Variants in SEPTIN9 observed in about 807,000 individuals in gnomAD.
The protein encoded by SEPTIN9 is septin-9.
SEPTIN9 carries 13 observed loss-of-function variants against 56.6 expected under a neutral mutation model. The ratio of observed to expected loss-of-function variants is 0.23; its 90% CI spans 0.15 to 0.37. SEPTIN9 has a LOEUF of 0.37. Among genes scored for constraint, SEPTIN9 ranks in the 10% least tolerant of loss-of-function variants. The probability of loss-of-function intolerance (pLI) is 1.00; values close to 1 mark genes in which losing one functional copy is unlikely to be tolerated. For synonymous variants in SEPTIN9, 332 were observed against 334.1 expected (o/e 0.99, Z 0.07); for missense variants, 650 against 823.1 (o/e 0.79, Z 2.57).
At chr17:77,383,007 G>GGAGGACC (rs2035200822) in intron 2 of SEPTIN9, among the ~76,000 whole-genome samples, 1 of 152,106 alleles carries the variant, frequency 6.6e-6, no homozygotes, top group South Asian at 2.1e-4. Flanking sequence ...AGCCCTGGCT[G>GGAGGACC]TGGCCACAGC....
At chr17:77,431,883 T>C (rs1000355451) in intron 3 of SEPTIN9, among the ~76,000 whole-genome samples, 5 of 150,892 alleles carry the variant, frequency 3.3e-5, no homozygotes, top group African/African-American at 1.2e-4. Flanking sequence ...CTCTCAGGGA[T>C]TTTCATCCTT....
intron 1 of SEPTIN9, among the ~76,000 whole-genome samples, chr17:77,288,895 C>T (rs1180218250): frequency 2.0e-5 from 3 of 152,164 alleles, no homozygotes; most frequent in Middle Eastern, 3.4e-3. Context: ...AGGCCGGCAC[C>T]GAGGGGCGGG....
chr17:77,494,783 G>T (rs541362913), intron 10 of SEPTIN9, among the ~76,000 whole-genome samples: 1 of 152,206 alleles, frequency 6.6e-6, no homozygotes, highest in East Asian at 1.9e-4. Context: ...CCCTGCACCA[G>T]ACTCCCTCGA....
rs574151520 is a variant in SEPTIN9, at chr17:77,468,182, G to A, written c.722-13962G>A. On this transcript the variant is annotated intron_variant, in intron 3 of 11. Transcript: ENST00000427177. ...CAGGAGGCTGAGGCAGGAGAATGGC[G>A]TGAACCCGGGAGGCAGAGCTTGCAG... Among the ~76,000 whole-genome samples, 6 of 152,236 alleles carry A rather than the reference G, an allele frequency of 3.9e-5. No homozygotes were observed. The South Asian group carries it at 8.3e-4, about 21-fold the overall frequency.
chr17:77,286,028 C>T (rs182112658), intron 1 of SEPTIN9, among the ~76,000 whole-genome samples: 160 of 152,378 alleles, frequency 1.1e-3, no homozygotes, highest in African/African-American at 3.5e-3. Context: ...CCCGTCTCCG[C>T]GCCTGTTCTC....
rs554955957 is a variant in SEPTIN9, at chr17:77,426,342, C to T, written c.721+23639C>T. Among the ~76,000 whole-genome samples, 20 of 152,274 alleles carry T rather than the reference C, an allele frequency of 1.3e-4. No individual in the cohort carries two copies. The South Asian group carries it at 2.9e-3, about 22-fold the overall frequency. On this transcript the variant is annotated intron_variant, in intron 3 of 11. Coordinates refer to ENST00000427177, the MANE Select transcript of SEPTIN9 (RefSeq NM_001113491.2). ...GATGATGGTGTAAAGGGTGCCCCCC[C>T]GAGCCCCCGGAGGCATGCAGTGGCG... is the stretch of plus-strand genomic sequence containing the variant.
rs775807921 is a variant in SEPTIN9, at chr17:77,436,703, G to A, written c.721+34000G>A. Among the ~76,000 whole-genome samples, 20 of 152,370 alleles carry A rather than the reference G, an allele frequency of 1.3e-4. No homozygotes were observed. Among genetic ancestry groups the A allele is most frequent in the Admixed American group, 5.9e-4 (9 of 15,314 alleles). ...CTAGCCTCGTGGTAGGGGCTGCGGC[G>A]GAGGTGGGCAAAAGCCGCTTCCGGG... On this transcript the variant is annotated intron_variant, in intron 3 of 11. Coordinates refer to ENST00000427177, the MANE Select transcript of SEPTIN9 (RefSeq NM_001113491.2). The surrounding 1 kb of genome is among the most constrained non-coding windows in gnomAD (Gnocchi z 4.4).
At chr17:77,288,829 C>T (rs914868545) in intron 1 of SEPTIN9, among the ~76,000 whole-genome samples, 6 of 152,120 alleles carry the variant, frequency 3.9e-5, no homozygotes, top group Admixed American at 1.3e-4. Flanking sequence ...GGAGGTGAGC[C>T]GGTGGCGTAG....
chr17:77,482,782 G>A (rs959496285), intron 4 of SEPTIN9: 29 of 560,340 alleles, frequency 5.2e-5, no homozygotes, highest in Admixed American at 1.2e-4. Context: ...TTGGGGCCTC[G>A]TGGCTTCCAC....
In SEPTIN9 at chr17:77,436,139, T is replaced by C. The variant is rs536864115; in HGVS notation, c.721+33436T>C. Among the ~76,000 whole-genome samples, 4 of 151,294 alleles carry C rather than the reference T, an allele frequency of 2.6e-5. No individual in the cohort carries two copies. In the South Asian group the frequency reaches 8.4e-4, roughly 32 times the overall value. On this transcript the variant is annotated intron_variant, in intron 3 of 11. Coordinates refer to ENST00000427177, the MANE Select transcript of SEPTIN9 (RefSeq NM_001113491.2). The surrounding 1 kb of genome is among the most constrained non-coding windows in gnomAD (Gnocchi z 4.4). The stretch of plus-strand genomic sequence containing the variant: ...CCACCCTGCGGGCCTGGTTGGGGAG[T>C]GTGAGGATGCCTGCTGGAAGCCAAC...
intron 3 of SEPTIN9, among the ~76,000 whole-genome samples, chr17:77,473,791 A>G (rs1016762946): frequency 3.9e-5 from 6 of 152,232 alleles, no homozygotes; most frequent in African/African-American, 1.4e-4. Flanking sequence ...ACTACTCTCA[A>G]GCCTGTAGTG....
chr17:77,499,351 G>A lies in SEPTIN9; in HGVS notation c.*693G>A, dbSNP rs1329430391. On this transcript the variant is annotated 3_prime_UTR_variant, in exon 12 of 12. Transcript: ENST00000427177. ...GGGGACAGGCTGGAATGAGGGAGGC[G>A]TCTTCATCTCCCTGCCATCCCCCTC... The A allele has an allele frequency of 6.8e-6, 4 of 588,696 alleles. No homozygotes were observed. The highest frequency in any genetic ancestry group is 1.8e-5 in the African/African-American group (1 of 55,554). The allele number at this position is 588,696 out of a possible 1,614,324, so 36.5% of individuals were successfully genotyped here.
intron 2 of SEPTIN9, among the ~76,000 whole-genome samples, chr17:77,384,141 G>T (rs911865679): frequency 6.6e-6 from 1 of 150,388 alleles, no homozygotes; most frequent in African/African-American, 2.5e-5. Context: ...AAAGAGGCTG[G>T]CGGGAGGCTG....
chr17:77,305,663 C>T (rs1325717484), intron 1 of SEPTIN9, among the ~76,000 whole-genome samples: 1 of 151,800 alleles, frequency 6.6e-6, no homozygotes, highest in Non-Finnish European at 1.5e-5. Context: ...GATGGGTACC[C>T]TGTCAATACT....
In SEPTIN9 at chr17:77,451,794, A is replaced by G. The variant is rs2037983564; in HGVS notation, c.722-30350A>G. Reference sequence around the variant, plus strand: ...TGGTCACAGCTATCTCTTTGTAAATATTTGGCCAACTAAGCTGAGTGGCTA... The same window carrying G: ...TGGTCACAGCTATCTCTTTGTAAATGTTTGGCCAACTAAGCTGAGTGGCTA... On this transcript the variant is annotated intron_variant, in intron 3 of 11. Transcript: ENST00000427177. The surrounding 1 kb of genome is among the most constrained non-coding windows in gnomAD (Gnocchi z 4.2). 6.6e-6 allele frequency among the ~76,000 whole-genome samples: 1 copy of G among 152,186 alleles called. No homozygotes were observed. The highest frequency in any genetic ancestry group is 6.5e-5 in the Admixed American group (1 of 15,288).
At chr17:77,446,976 G>A (rs143477116) in intron 3 of SEPTIN9, 41 of 167,152 alleles carry the variant, frequency 2.5e-4, no homozygotes, top group African/African-American at 8.9e-4. Flanking sequence ...TCACAGTGTC[G>A]TGCAACCATC....
rs1277886881 is a variant in SEPTIN9 at position 77,429,113 on chromosome 17, G to GT, written c.721+26411dup. On this transcript the variant is annotated intron_variant, in intron 3 of 11. Transcript: ENST00000427177. This position sits in a 1 kb window ranked among gnomAD's most constrained non-coding sequence, Gnocchi z 5.2. The stretch of plus-strand genomic sequence containing the variant: ...GCCCCAGCTCCGTGTCCTCCGGTGT[G>GT]TGTGAGGCCAAGCTCCTGGGGTGGG... 8 of 471,578 alleles carry GT rather than the reference G, an allele frequency of 1.7e-5. No individual in the cohort carries two copies. Among genetic ancestry groups the GT allele is most frequent in the African/African-American group, 1.6e-4 (8 of 50,086 alleles). The allele number at this position is 471,578 out of a possible 1,614,324, so 29.2% of individuals were successfully genotyped here.
Position 77,492,551 on chromosome 17 carries a change from G to C in SEPTIN9, c.1381-70G>C. On this transcript the variant is annotated intron_variant, in intron 8 of 11. Transcript: ENST00000427177. This position sits in a 1 kb window ranked among gnomAD's most constrained non-coding sequence, Gnocchi z 5.4. ...GGGCAGCACACAGTGTGGAGGTCAT[G>C]TGGCAAACACCAGTGGGTGGGTAGA... 7.1e-7 allele frequency: 1 copy of C among 1,404,732 alleles called. No homozygotes were observed. The highest frequency in any genetic ancestry group is 1.8e-4 in the Middle Eastern group (1 of 5,658). The allele number at this position is 1,404,732 out of a possible 1,614,324, so 87.0% of individuals were successfully genotyped here.
intron 3 of SEPTIN9, among the ~76,000 whole-genome samples, chr17:77,471,279 A>C: frequency 6.6e-6 from 1 of 151,136 alleles, no homozygotes; most frequent in African/African-American, 2.4e-5. Context: ...CCTGTCCCCT[A>C]CCCCCAAGCA....
Sources: allele counts gnomAD v4.1 joint callset (sites outside exome capture counted in the v4.1 genomes callset), GRCh38; gene constraint gnomAD v4.1.1; non-coding constraint Gnocchi (gnomAD v3.1); transcripts MANE v1.5; gene names NCBI Gene and HGNC (gene_info 2026-07-23, HGNC 2026-07-21).